The following ANOS1 variants were observed in gnomAD, a reference collection of about 807,000 sequenced individuals.
ANOS1 encodes anosmin 1.
In ANOS1, 6 loss-of-function variants were observed where a neutral mutation model predicts 59.0. The observed-to-expected ratio is 0.10, with a 90% CI of 0.06 to 0.20. The LOEUF is 0.20. Ranked by LOEUF, ANOS1 falls within the 10% of genes least tolerant of loss-of-function variation. The pLI, the probability that ANOS1 is intolerant of heterozygous loss-of-function variation, is 1.00. For synonymous variants in ANOS1, 217 were observed against 223.4 expected (o/e 0.97, Z 0.25); for missense variants, 433 against 542.3 (o/e 0.80, Z 2.00).
intron 8 of ANOS1, among the ~76,000 whole-genome samples, chrX:8,559,714 C>T (rs753014513): frequency 1.8e-5 from 2 of 112,359 alleles, no homozygotes; most frequent in East Asian, 5.6e-4. Flanking sequence ...AATGGACCAG[C>T]ACTACTTGTT....
intron 6 of ANOS1, 115 bp downstream of exon 6, chrX:8,585,152 C>T: frequency 1.1e-6 from 1 of 870,987 alleles, no homozygotes; most frequent in Non-Finnish European, 1.7e-6. Context: ...TCTAAAACAG[C>T]AAAGCCACCT....
At position 8,548,004 on chromosome X, in the gene ANOS1, C is replaced by T. The variant is rs187029310; in HGVS notation, c.1354+5948G>A. On this transcript the variant is annotated intron_variant, in intron 9 of 13. Transcript: ENST00000262648. ...TGCTGGGATTACAGGCGTGAGCCAC[C>T]GCGCCTGGCCAATTCAAAGTTTTAA... is the stretch of plus-strand genomic sequence containing the variant. Among the ~76,000 whole-genome samples, 648 of 112,006 alleles carry T rather than the reference C, an allele frequency of 5.8e-3. 7 individuals are homozygous for T. Among genetic ancestry groups the T allele is most frequent in the African/African-American group, 0.02 (622 of 30,870 alleles).
intron 10 of ANOS1, among the ~76,000 whole-genome samples, chrX:8,537,457 T>C (rs1429041934): frequency 8.9e-6 from 1 of 111,957 alleles, no homozygotes; most frequent in Non-Finnish European, 1.9e-5. Flanking sequence ...AGAGGCTAAA[T>C]GGTAAGGAGT....
intron 2 of ANOS1, among the ~76,000 whole-genome samples, chrX:8,668,429 A>G (rs1932195567): frequency 1.1e-5 from 1 of 90,182 alleles, no homozygotes. Context: ...ATATATATAT[A>G]TACACACACA....
chrX:8,619,388 A>C (rs965289517), intron 3 of ANOS1, among the ~76,000 whole-genome samples: 1 of 111,458 alleles, frequency 9.0e-6, no homozygotes, highest in East Asian at 2.8e-4. Context: ...GGCGGATCAC[A>C]AGGTCAGGAG....
At chrX:8,596,143 G>A (rs1484550341) in intron 4 of ANOS1, among the ~76,000 whole-genome samples, 1 of 110,992 alleles carries the variant, frequency 9.0e-6, no homozygotes, top group Non-Finnish European at 1.9e-5. Context: ...ATATTACAAT[G>A]TTATAATAAT....
At chrX:8,581,538 A>C (rs1341949069) in intron 6 of ANOS1, among the ~76,000 whole-genome samples, 3 of 112,128 alleles carry the variant, frequency 2.7e-5, no homozygotes, top group African/African-American at 9.7e-5. Flanking sequence ...CAAAAATGTA[A>C]GCACTGAATT....
At chrX:8,567,917 T>C (rs773438693) in intron 8 of ANOS1, among the ~76,000 whole-genome samples, 90 of 112,446 alleles carry the variant, frequency 8.0e-4, no homozygotes, top group African/African-American at 2.9e-3. Flanking sequence ...AAAACAAGTA[T>C]GCAGAATGCA....
At chrX:8,683,040 C>G (rs192808871) in intron 2 of ANOS1, among the ~76,000 whole-genome samples, 33 of 110,931 alleles carry the variant, frequency 3.0e-4, no homozygotes, top group East Asian at 5.7e-4. Flanking sequence ...AAGCCCGCCA[C>G]GGGATTCTTG....
chrX:8,598,295 T>G (rs1930779497), intron 3 of ANOS1, among the ~76,000 whole-genome samples: 1 of 111,878 alleles, frequency 8.9e-6, no homozygotes, highest in Admixed American at 9.5e-5. Context: ...AGCCCTGGAC[T>G]TATTAGAGGA....
chrX:8,619,512 G>A (rs1465225769), intron 3 of ANOS1, among the ~76,000 whole-genome samples: 1 of 111,471 alleles, frequency 9.0e-6, no homozygotes, highest in Non-Finnish European at 1.9e-5. Flanking sequence ...GCTGAGGCAG[G>A]AGAATTGCTG....
chrX:8,657,035 T>C (rs143136178), intron 2 of ANOS1, among the ~76,000 whole-genome samples: 11 of 112,105 alleles, frequency 9.8e-5, no homozygotes, highest in South Asian at 3.7e-4. Flanking sequence ...TCCAGGCCAA[T>C]TGGTATGAGC....
intron 2 of ANOS1, among the ~76,000 whole-genome samples, chrX:8,666,226 A>G (rs1166678618): frequency 1.8e-5 from 2 of 111,083 alleles, no homozygotes; most frequent in Admixed American, 1.9e-4. Flanking sequence ...ATAAAAGAAA[A>G]GAAAAAAATC....
intron 1 of ANOS1, among the ~76,000 whole-genome samples, chrX:8,718,907 T>A (rs771383649): frequency 8.9e-6 from 1 of 112,395 alleles, no homozygotes. Context: ...ATCTCAGCGC[T>A]GCATCAGAAA....
intron 3 of ANOS1, among the ~76,000 whole-genome samples, chrX:8,621,085 G>A (rs185772220): frequency 8.9e-6 from 1 of 111,841 alleles, no homozygotes; most frequent in African/African-American, 3.3e-5. Context: ...CTATAAACAG[G>A]TCAGGAGCAG....
chrX:8,706,378 C>T (rs1932780068), intron 1 of ANOS1, among the ~76,000 whole-genome samples: 1 of 112,589 alleles, frequency 8.9e-6, no homozygotes, highest in African/African-American at 3.2e-5. Flanking sequence ...CCAATCAATG[C>T]TTTGACACTG....
chrX:8,596,343 A>G (rs917807653), intron 4 of ANOS1, among the ~76,000 whole-genome samples: 2 of 111,215 alleles, frequency 1.8e-5, no homozygotes, highest in African/African-American at 6.5e-5. Context: ...GTCACGGTGT[A>G]TTTTGATGGT....
At chrX:8,563,473 T>A (rs923310296) in intron 8 of ANOS1, among the ~76,000 whole-genome samples, 1 of 112,658 alleles carries the variant, frequency 8.9e-6, no homozygotes, top group African/African-American at 3.2e-5. Context: ...CTGGTAAAGA[T>A]AATTCCTTTG....
intron 1 of ANOS1, among the ~76,000 whole-genome samples, chrX:8,700,906 G>T (rs1303876544): frequency 9.0e-6 from 1 of 111,547 alleles, no homozygotes; most frequent in Non-Finnish European, 1.9e-5. Flanking sequence ...CTACTGGGGA[G>T]GCTAAGGCAG....
Sources: gnomAD v4.1 joint callset for allele counts (sites outside exome capture counted in the v4.1 genomes callset) on GRCh38, gnomAD v4.1.1 for gene constraint, MANE v1.5 for transcripts, NCBI Gene and HGNC (gene_info 2026-07-23, HGNC 2026-07-21) for gene names.